ANK3: variants seen among roughly 807,000 people sequenced by gnomAD.
ANK3 encodes the protein ankyrin 3, also known as ankyrin-3.
ANK3 carries 57 observed loss-of-function variants against 370.9 expected under a neutral mutation model. The ratio of observed to expected loss-of-function variants is 0.15; its 90% confidence interval spans 0.12 to 0.19. The LOEUF is 0.19. Among genes scored for constraint, ANK3 ranks in the 10% least tolerant of loss-of-function variants. The probability of loss-of-function intolerance (pLI) is 1.00; values close to 1 mark genes in which losing one functional copy is unlikely to be tolerated. For synonymous variants in ANK3, 1,929 were observed against 1,946.3 expected (o/e 0.99, Z 0.23); for missense variants, 4,439 against 5,302.1 (o/e 0.84, Z 5.06).
At chr10:60,604,744 A>C (rs1308302505) in intron 2 of ANK3, among the ~76,000 whole-genome samples, 1 of 152,186 alleles carries the variant, frequency 6.6e-6, no homozygotes, top group Non-Finnish European at 1.5e-5. Context: ...TCCAATGCCC[A>C]TCTATAACAT....
At chr10:60,235,550 G>GTTTTTTTT (rs72388493) in intron 7 of ANK3, among the ~76,000 whole-genome samples, 127 of 115,052 alleles carry the variant, frequency 1.1e-3, no homozygotes, top group Middle Eastern at 5.1e-3. Flanking sequence ...CTGATTTCTT[G>GTTTTTTTT]TTTTTTTTTT....
intron 23 of ANK3, among the ~76,000 whole-genome samples, chr10:60,149,632 T>C (rs2094997547): frequency 6.6e-6 from 1 of 152,232 alleles, no homozygotes; most frequent in African/African-American, 2.4e-5. Flanking sequence ...CTAGAACTCT[T>C]ATCTTCTGTC....
intron 2 of ANK3, among the ~76,000 whole-genome samples, chr10:60,571,073 T>TTTTA (rs2077585497): frequency 7.3e-6 from 1 of 136,872 alleles, no homozygotes; most frequent in African/African-American, 2.7e-5. Context: ...TTTTTTTTTT[T>TTTTA]GAGACCAGTG....
chr10:60,621,743 C>T (rs1279878032), intron 1 of ANK3, among the ~76,000 whole-genome samples: 1 of 151,784 alleles, frequency 6.6e-6, no homozygotes, highest in Admixed American at 6.6e-5. Context: ...AGATGATATT[C>T]GAGCAATATA....
chr10:60,488,721 G>A (rs1490797965), intron 2 of ANK3, among the ~76,000 whole-genome samples: 7 of 152,122 alleles, frequency 4.6e-5, no homozygotes, highest in African/African-American at 1.7e-4. Flanking sequence ...ATGCTTTCAA[G>A]TTTCATCCAC....
intron 2 of ANK3, among the ~76,000 whole-genome samples, chr10:60,614,789 G>A (rs981858062): frequency 4.6e-5 from 7 of 152,012 alleles, no homozygotes; most frequent in African/African-American, 7.2e-5. Context: ...TAGACTTTTC[G>A]GTTTAGCTAA....
chr10:60,466,849 G>A (rs948260507), intron 2 of ANK3, among the ~76,000 whole-genome samples: 16 of 152,246 alleles, frequency 1.1e-4, no homozygotes, highest in African/African-American at 3.9e-4. Context: ...TGTGAAATTT[G>A]CATAATAAGC....
intron 2 of ANK3, among the ~76,000 whole-genome samples, chr10:60,493,048 C>A (rs1365160104): frequency 6.8e-6 from 1 of 147,752 alleles, no homozygotes; most frequent in East Asian, 2.0e-4. Context: ...TCACTGCACT[C>A]CAGCCTGGGC....
intron 1 of ANK3, among the ~76,000 whole-genome samples, chr10:60,668,572 A>G (rs905862286): frequency 4.6e-5 from 7 of 152,208 alleles, no homozygotes; most frequent in African/African-American, 1.7e-4. Context: ...CCTGCTGGAT[A>G]GAAGAAATGC....
At chr10:60,301,360 G>T (rs773485152) in intron 1 of ANK3, among the ~76,000 whole-genome samples, 1 of 138,204 alleles carries the variant, frequency 7.2e-6, no homozygotes. Context: ...ACACATGCAC[G>T]CACAGATACA....
chr10:60,189,814 A>G (rs2096438056), intron 16 of ANK3, among the ~76,000 whole-genome samples: 2 of 152,186 alleles, frequency 1.3e-5, no homozygotes, highest in South Asian at 4.1e-4. Context: ...CAAAATTAAA[A>G]TAAAAGCAAA....
intron 1 of ANK3, among the ~76,000 whole-genome samples, chr10:60,292,830 C>T (rs2041731966): frequency 6.6e-6 from 1 of 151,856 alleles, no homozygotes; most frequent in Non-Finnish European, 1.5e-5. Flanking sequence ...GCCTCAGCCT[C>T]CTGAGTAGCT....
At chr10:60,082,462 C>T in intron 34 of ANK3, 153 bp downstream of exon 34, 3 of 1,050,170 alleles carry the variant, frequency 2.9e-6, no homozygotes, top group Non-Finnish European at 4.1e-6. Context: ...TTTGACACCA[C>T]ATTAACAAGA....
intron 21 of ANK3, among the ~76,000 whole-genome samples, chr10:60,167,216 C>T (rs2095646920): frequency 6.6e-6 from 1 of 152,144 alleles, no homozygotes; most frequent in Non-Finnish European, 1.5e-5. Flanking sequence ...TTTTCATGGT[C>T]TGATGAATCT....
intron 1 of ANK3, among the ~76,000 whole-genome samples, chr10:60,355,853 T>C (rs2057652650): frequency 6.6e-6 from 1 of 152,016 alleles, no homozygotes; most frequent in Admixed American, 6.6e-5. Flanking sequence ...CCAGTAAGGA[T>C]TTTCTTCCTT....
At chr10:60,185,923 A>G (rs1271610465) in intron 17 of ANK3, among the ~76,000 whole-genome samples, 2 of 152,232 alleles carry the variant, frequency 1.3e-5, no homozygotes, top group African/African-American at 4.8e-5. Context: ...ATCAAAGATG[A>G]CAGCATGGGT....
At chr10:60,633,657 G>C (rs1009338432) in intron 1 of ANK3, among the ~76,000 whole-genome samples, 1 of 152,156 alleles carries the variant, frequency 6.6e-6, no homozygotes, top group Non-Finnish European at 1.5e-5. Context: ...AAAAAATAGA[G>C]CTGGGCAGGG....
intron 1 of ANK3, among the ~76,000 whole-genome samples, chr10:60,327,454 T>C (rs950852755): frequency 2.0e-5 from 3 of 152,210 alleles, no homozygotes; most frequent in African/African-American, 7.2e-5. Context: ...ATACAAAAAC[T>C]TACTTTTGCA....
At chr10:60,158,451 T>C (rs1490842789) in intron 23 of ANK3, among the ~76,000 whole-genome samples, 2 of 152,196 alleles carry the variant, frequency 1.3e-5, no homozygotes, top group Non-Finnish European at 2.9e-5. Flanking sequence ...AAGATGTAAA[T>C]AGAGGCAACA....
Sources: allele counts gnomAD v4.1 joint callset (sites outside exome capture counted in the v4.1 genomes callset), GRCh38; gene constraint gnomAD v4.1.1; transcripts MANE v1.5; gene names NCBI Gene and HGNC (gene_info 2026-07-23, HGNC 2026-07-21).